Variants in UBE2E2 observed in about 807,000 individuals in gnomAD.
UBE2E2 encodes the protein ubiquitin-conjugating enzyme E2 E2.
In UBE2E2, 6 loss-of-function variants were observed where a neutral mutation model predicts 24.7. The ratio of observed to expected loss-of-function variants is 0.24; its 90% CI spans 0.13 to 0.48. The LOEUF is 0.48. Ranked by LOEUF, UBE2E2 falls within the 20% of genes least tolerant of loss-of-function variation. UBE2E2 has a pLI of 0.99. For missense variants in UBE2E2, 169 were observed against 245.0 expected (o/e 0.69, Z 2.07); for synonymous variants, 104 against 83.6 (o/e 1.24, Z -1.33).
chr3:23,359,080 GACTATTCA>G (rs1378580097), intron 3 of UBE2E2, among the ~76,000 whole-genome samples: 5 of 152,036 alleles, frequency 3.3e-5, no homozygotes, highest in Non-Finnish European at 7.4e-5. Context: ...TGCCGTTTTT[GACTATTCA>G]ACTATTCAAC....
intron 4 of UBE2E2, among the ~76,000 whole-genome samples, chr3:23,521,034 G>T (rs753265541): frequency 2.0e-5 from 3 of 152,076 alleles, no homozygotes; most frequent in Non-Finnish European, 2.9e-5. Context: ...TAGCTAGTTT[G>T]ACAAATACTT....
rs1695150593 is a variant in UBE2E2, at chr3:23,532,564, G to A, written c.371G>A (p.Arg124Gln). ...TACATTTTCTTGTAGGTTACCTTCC[G>A]AACAAGAATCTATCACTGTAATATT... ...YPFKPPKVTF[R>Q]TRIYHCNINS... Residue 124 changes from arginine (R) to glutamine (Q), a missense_variant, in exon 5 of 6, where the codon CGA (arginine) becomes CAA (glutamine). Arg to Gln is a conservative substitution (Grantham distance 43). Transcript: ENST00000396703. 2.6e-6 allele frequency: 4 copies of A among 1,518,176 alleles called. No individual in the cohort carries two copies. The highest frequency in any genetic ancestry group is 3.6e-6 in the Non-Finnish European group (4 of 1,114,834). 94.0% of individuals were successfully genotyped at this position (1,518,176 alleles called of 1,614,324 possible).
intron 3 of UBE2E2, among the ~76,000 whole-genome samples, chr3:23,272,283 G>A (rs1221590128): frequency 2.6e-5 from 4 of 151,654 alleles, no homozygotes; most frequent in African/African-American, 4.8e-5. Flanking sequence ...GCCCGGGGCC[G>A]GCCGGCTTCT....
chr3:23,286,126 G>T (rs942090902), intron 3 of UBE2E2, among the ~76,000 whole-genome samples: 4 of 152,150 alleles, frequency 2.6e-5, no homozygotes, highest in African/African-American at 9.7e-5. Context: ...TCTGTGGGTT[G>T]TCTCTTCATT....
intron 3 of UBE2E2, among the ~76,000 whole-genome samples, chr3:23,489,272 T>C (rs933316064): frequency 6.6e-6 from 1 of 152,118 alleles, no homozygotes; most frequent in Non-Finnish European, 1.5e-5. Flanking sequence ...ATTATATAAC[T>C]CACCATCATG....
chr3:23,270,152 C>CTTT (rs71051207), intron 3 of UBE2E2, among the ~76,000 whole-genome samples: 2 of 100,726 alleles, frequency 2.0e-5, no homozygotes, highest in Non-Finnish European at 3.9e-5. Context: ...CCCCCTCCTC[C>CTTT]TTTTTTTTTT....
Position 23,571,280 on chromosome 3 carries a change from CTTTTTTTTTTT to C in UBE2E2, c.509-18437_509-18427del, listed in dbSNP as rs59243406. Among the ~76,000 whole-genome samples the C allele has an allele frequency of 5.2e-3, 155 of 29,890 alleles. 3 individuals carry two copies. The highest frequency in any genetic ancestry group is 8.3e-3 in the Non-Finnish European group (127 of 15,232). The allele number at this position is 29,890 out of a possible 152,430, so 19.6% of individuals were successfully genotyped here. On this transcript the variant is annotated intron_variant, in intron 5 of 5. Transcript: ENST00000396703. ...AGTCCCCTCACCTGTGTGCTCCTTTCTTTTTTTTTTTTTTTTTTTTTTTTTTTGAGACAGAG... is the reference window on the plus strand; with the variant it reads ...AGTCCCCTCACCTGTGTGCTCCTTTCTTTTTTTTTTTTTTTTGAGACAGAG...
At chr3:23,391,791 C>G (rs1439349634) in intron 3 of UBE2E2, among the ~76,000 whole-genome samples, 1 of 151,938 alleles carries the variant, frequency 6.6e-6, no homozygotes, top group Admixed American at 6.6e-5. Flanking sequence ...AGTGTGAGTT[C>G]AGTTAGGGAG....
intron 3 of UBE2E2, among the ~76,000 whole-genome samples, chr3:23,368,323 A>G (rs1283408147): frequency 6.6e-6 from 1 of 152,184 alleles, no homozygotes; most frequent in African/African-American, 2.4e-5. Flanking sequence ...CAGCTGCTGT[A>G]CTAGGTAGTT....
At chr3:23,406,320 G>GGACA (rs2125376368) in intron 3 of UBE2E2, among the ~76,000 whole-genome samples, 1 of 152,218 alleles carries the variant, frequency 6.6e-6, no homozygotes, top group East Asian at 1.9e-4. Context: ...GGGCAGGTCA[G>GGACA]GACAGCCTAG....
At chr3:23,424,191 T>C (rs1389663052) in intron 3 of UBE2E2, among the ~76,000 whole-genome samples, 1 of 152,106 alleles carries the variant, frequency 6.6e-6, no homozygotes, top group East Asian at 1.9e-4. Context: ...TTTAAGGAAC[T>C]TTTTTTTCTA....
At chr3:23,441,915 G>A (rs747061654) in intron 3 of UBE2E2, among the ~76,000 whole-genome samples, 2 of 151,896 alleles carry the variant, frequency 1.3e-5, no homozygotes, top group South Asian at 2.1e-4. Flanking sequence ...ATTCAAAGAC[G>A]TTTCATATTT....
In UBE2E2 at chr3:23,308,905, C is replaced by G. The variant is rs149202181; in HGVS notation, c.227+91593C>G. ...AGACCTGAAATCCCCCAAGAGGCTG[C>G]TGGTACAAGTCCCACAGTCCAAAGG... On this transcript the variant is annotated intron_variant, in intron 3 of 5. Transcript: ENST00000396703. Among the ~76,000 whole-genome samples the G allele has an allele frequency of 5.9e-5, 9 of 152,278 alleles. No individual in the cohort carries two copies. In the East Asian group the frequency reaches 1.7e-3, roughly 29 times the overall value.
At chr3:23,353,804 A>G (rs554923260) in intron 3 of UBE2E2, among the ~76,000 whole-genome samples, 2,207 of 143,080 alleles carry the variant, frequency 0.015, 43 homozygotes, top group African/African-American at 0.054. Flanking sequence ...GAAAATGGCC[A>G]TACTGTCCAA....
At chr3:23,411,491 C>T (rs570886565) in intron 3 of UBE2E2, among the ~76,000 whole-genome samples, 5 of 152,230 alleles carry the variant, frequency 3.3e-5, no homozygotes, top group South Asian at 4.1e-4. Flanking sequence ...CAGGATAATT[C>T]GAGACCTCAC....
chr3:23,252,012 T>G (rs1415213431), intron 3 of UBE2E2, among the ~76,000 whole-genome samples: 1 of 152,230 alleles, frequency 6.6e-6, no homozygotes, highest in Admixed American at 6.5e-5. Context: ...AAATGTGCTG[T>G]AATCCAAGGG....
chr3:23,306,364 C>T (rs1356465452), intron 3 of UBE2E2, among the ~76,000 whole-genome samples: 1 of 152,194 alleles, frequency 6.6e-6, no homozygotes, highest in Non-Finnish European at 1.5e-5. Flanking sequence ...TTTAAACTCT[C>T]TAACAGTAGT....
chr3:23,299,919 A>G (rs958748943), intron 3 of UBE2E2, among the ~76,000 whole-genome samples: 3 of 152,078 alleles, frequency 2.0e-5, no homozygotes, highest in African/African-American at 7.2e-5. Flanking sequence ...GTGGGAGTCT[A>G]AGTCTCTTTG....
intron 3 of UBE2E2, among the ~76,000 whole-genome samples, chr3:23,324,869 T>A (rs1298172267): frequency 6.6e-6 from 1 of 152,128 alleles, no homozygotes; most frequent in East Asian, 1.9e-4. Flanking sequence ...GTGTGTTATA[T>A]AATGAATAGT....
Sources: allele counts gnomAD v4.1 joint callset (sites outside exome capture counted in the v4.1 genomes callset), GRCh38; gene constraint gnomAD v4.1.1; transcripts MANE v1.5; gene names NCBI Gene and HGNC (gene_info 2026-07-23, HGNC 2026-07-21).